The following MAGI2 variants were observed in gnomAD, a reference collection of about 807,000 sequenced individuals.
MAGI2 encodes the protein membrane-associated guanylate kinase, WW and PDZ domain-containing protein 2.
MAGI2 carries 35 observed loss-of-function variants against 133.3 expected under a neutral mutation model. The ratio of observed to expected loss-of-function variants is 0.26; its 90% CI spans 0.20 to 0.35. The LOEUF is 0.35. Among genes scored for constraint, MAGI2 ranks in the 10% least tolerant of loss-of-function variants. The probability of loss-of-function intolerance (pLI) is 1.00; values close to 1 mark genes in which losing one functional copy is unlikely to be tolerated. For synonymous variants in MAGI2, 729 were observed against 710.6 expected, an observed-to-expected ratio of 1.03 and a Z score of -0.41; for missense variants, 1,636 against 1,863.4, an observed-to-expected ratio of 0.88 and a Z score of 2.25.
intron 9 of MAGI2, among the ~76,000 whole-genome samples, chr7:78,336,859 T>C (rs1315163878): frequency 2.0e-5 from 3 of 152,210 alleles, no homozygotes; most frequent in Admixed American, 1.3e-4. Flanking sequence ...GGACACTTTC[T>C]TGTGATTTTA....
intron 2 of MAGI2, among the ~76,000 whole-genome samples, chr7:78,937,241 T>C (rs1176226074): frequency 1.3e-5 from 2 of 152,104 alleles, no homozygotes; most frequent in Non-Finnish European, 2.9e-5. Flanking sequence ...TACAGAATGA[T>C]AGTAATGAGT....
At chr7:78,156,083 C>A (rs947519281) in intron 16 of MAGI2, among the ~76,000 whole-genome samples, 1 of 152,150 alleles carries the variant, frequency 6.6e-6, no homozygotes, top group Non-Finnish European at 1.5e-5. Flanking sequence ...AAAGACATCC[C>A]CTTGAGTCTG....
intron 1 of MAGI2, among the ~76,000 whole-genome samples, chr7:79,186,729 GTATATATATATTTATACAAAAGTATATA>G (rs1463249560): frequency 4.1e-5 from 5 of 121,940 alleles, no homozygotes; most frequent in Non-Finnish European, 8.2e-5. Flanking sequence ...TTATACAAAA[GTATATATATATTTATACAAAAGTATATA>G]TATATATATA....
At chr7:78,039,171 T>C (rs888207766) in intron 21 of MAGI2, among the ~76,000 whole-genome samples, 7 of 152,200 alleles carry the variant, frequency 4.6e-5, no homozygotes, top group Admixed American at 1.3e-4. Flanking sequence ...CTCTCTCTCT[T>C]TGACTGGCAA....
At position 78,627,227 on chromosome 7, in the gene MAGI2, G is replaced by T. The variant is rs1270768564; in HGVS notation, c.431C>A (p.Pro144Gln). The change falls in exon 3 of 22, where the codon CCA (proline) becomes CAA (glutamine). Residue 144 changes from proline to glutamine, a missense_variant. Pro to Gln is a moderately conservative substitution (Grantham distance 76, BLOSUM62 -1). Transcript: ENST00000354212. ...YLRTVPCTTR[P>Q]HKEGEVPGVD... ...TCCAGGGACCTCACCCTCCTTATGT[G>T]GCCTTGTGGTGCCTGAATAAAGAAA... 1 of 1,554,810 alleles carries T rather than the reference G, an allele frequency of 6.4e-7. No homozygotes were observed.
intron 6 of MAGI2, among the ~76,000 whole-genome samples, chr7:78,442,627 G>A (rs1787739575): frequency 6.6e-6 from 1 of 152,154 alleles, no homozygotes; most frequent in African/African-American, 2.4e-5. Flanking sequence ...ATGATGCAGT[G>A]TAACTTGTAA....
intron 2 of MAGI2, among the ~76,000 whole-genome samples, chr7:78,726,128 C>G (rs1363304237): frequency 2.6e-5 from 4 of 152,004 alleles, no homozygotes; most frequent in African/African-American, 9.7e-5. Flanking sequence ...TGTATTCTCC[C>G]TTATTGTTCA....
chr7:79,302,242 G>T (rs1299476476), intron 1 of MAGI2, among the ~76,000 whole-genome samples: 1 of 152,154 alleles, frequency 6.6e-6, no homozygotes, highest in East Asian at 1.9e-4. Flanking sequence ...AAAGTTGGAA[G>T]ACATTCAGTT....
intron 2 of MAGI2, among the ~76,000 whole-genome samples, chr7:78,899,948 G>A (rs1324617931): frequency 1.3e-5 from 2 of 152,160 alleles, no homozygotes; most frequent in African/African-American, 2.4e-5. Flanking sequence ...TTCAATGAGG[G>A]TGGAGCCACC....
intron 1 of MAGI2, among the ~76,000 whole-genome samples, chr7:79,142,341 C>T (rs2129546282): frequency 6.6e-6 from 1 of 152,274 alleles, no homozygotes; most frequent in South Asian, 2.1e-4. Context: ...TTTACTCCAC[C>T]AACACCTGAG....
chr7:78,765,537 C>A (rs893089848), intron 2 of MAGI2, among the ~76,000 whole-genome samples: 2 of 151,596 alleles, frequency 1.3e-5, no homozygotes, highest in Non-Finnish European at 2.9e-5. Flanking sequence ...TTAGTAGAAA[C>A]GGGGTTTCTC....
chr7:78,183,983 C>T (rs1239495691), intron 13 of MAGI2, among the ~76,000 whole-genome samples: 1 of 152,186 alleles, frequency 6.6e-6, no homozygotes, highest in African/African-American at 2.4e-5. Flanking sequence ...TGCACAGTAA[C>T]GTAATATACC....
intron 20 of MAGI2, among the ~76,000 whole-genome samples, chr7:78,120,212 C>A (rs894801417): frequency 6.6e-6 from 1 of 152,180 alleles, no homozygotes; most frequent in East Asian, 1.9e-4. Context: ...ACCATCCTGG[C>A]TAACACGGTG....
intron 2 of MAGI2, among the ~76,000 whole-genome samples, chr7:78,809,910 A>G (rs1196728302): frequency 6.6e-6 from 1 of 152,208 alleles, no homozygotes; most frequent in African/African-American, 2.4e-5. Flanking sequence ...AACTATGAAA[A>G]CAATTGGTAA....
intron 10 of MAGI2, among the ~76,000 whole-genome samples, chr7:78,220,388 C>T (rs766085824): frequency 1.3e-5 from 2 of 152,210 alleles, no homozygotes; most frequent in Non-Finnish European, 2.9e-5. Flanking sequence ...ACCTGGAACA[C>T]ACCAGGACAC....
At chr7:79,400,380 T>A (rs1365102452) in intron 1 of MAGI2, among the ~76,000 whole-genome samples, 1 of 152,136 alleles carries the variant, frequency 6.6e-6, no homozygotes, top group Non-Finnish European at 1.5e-5. Flanking sequence ...AATCATTCTA[T>A]TTTTTTATCC....
At chr7:78,251,344 C>T (rs552768554) in intron 10 of MAGI2, 1 of 152,264 alleles carries the variant, frequency 6.6e-6, no homozygotes, top group African/African-American at 2.4e-5. Flanking sequence ...ACCTCTCTTG[C>T]ACTCAATATT....
chr7:78,926,093 C>T (rs1057061083), intron 2 of MAGI2, among the ~76,000 whole-genome samples: 2 of 151,766 alleles, frequency 1.3e-5, no homozygotes, highest in Non-Finnish European at 2.9e-5. Context: ...CTGTTCTGTT[C>T]ACCCCTACCC....
intron 1 of MAGI2, among the ~76,000 whole-genome samples, chr7:79,378,922 GTGTGTATATATATATATATATATATA>G (rs1396347157): frequency 1.6e-5 from 1 of 63,470 alleles, no homozygotes; most frequent in Non-Finnish European, 3.2e-5. Flanking sequence ...ATATATGTGT[GTGTGTATATATATATATATATATATA>G]TATATATATA....
Sources: allele counts gnomAD v4.1 joint callset (sites outside exome capture counted in the v4.1 genomes callset), GRCh38; gene constraint gnomAD v4.1.1; transcripts MANE v1.5; gene names NCBI Gene and HGNC (gene_info 2026-07-23, HGNC 2026-07-21).